The following RASEF variants were observed in gnomAD, a reference collection of about 807,000 sequenced individuals.
RASEF encodes ras and EF-hand domain-containing protein.
Under a neutral mutation model 90.1 loss-of-function variants are expected in RASEF, and 68 were observed. The ratio of observed to expected loss-of-function variants is 0.75; its 90% CI spans 0.62 to 0.92. The LOEUF (loss-of-function observed/expected upper bound fraction) is 0.92, where lower values mean the gene tolerates loss of function less well. RASEF is among the 40% of genes least tolerant of loss of function. The pLI is 0.00. For synonymous variants in RASEF, 331 were observed against 345.2 expected (o/e 0.96, Z 0.46); for missense variants, 949 against 937.2 (o/e 1.01, Z -0.16).
At position 83,012,522 on chromosome 9, in the gene RASEF, A is replaced by T. The variant is rs1318100321; in HGVS notation, c.766-11T>A. The T allele has an allele frequency of 6.4e-7, 1 of 1,556,846 alleles. No individual in the cohort carries two copies. Among genetic ancestry groups the T allele is most frequent in the East Asian group, 2.4e-5 (1 of 42,486 alleles). ...TGATTGTTCTTCGAGCTGAAAGACCAAATAAAAGTTGTGTGCTTACAAACT... is the reference window on the plus strand; with the variant it reads ...TGATTGTTCTTCGAGCTGAAAGACCTAATAAAAGTTGTGTGCTTACAAACT... On this transcript the variant is annotated splice_polypyrimidine_tract_variant and intron_variant, in intron 4 of 16. Transcript: ENST00000376447.
At chr9:83,006,191 G>A (rs766201869) in intron 7 of RASEF, among the ~76,000 whole-genome samples, 10 of 152,168 alleles carry the variant, frequency 6.6e-5, no homozygotes, top group Non-Finnish European at 1.3e-4. Context: ...ACACTTCCTT[G>A]ACCTTCTTTG....
At chr9:83,150,267 G>A in the RASEF span, among the ~76,000 whole-genome samples, 1 of 152,144 alleles carries the variant, frequency 6.6e-6, no homozygotes, top group South Asian at 2.1e-4. Flanking sequence ...CATCATTTAG[G>A]GGTTTTTATG....
At chr9:83,173,816 G>T in the RASEF span, among the ~76,000 whole-genome samples, 47 of 151,756 alleles carry the variant, frequency 3.1e-4, no homozygotes, top group South Asian at 4.6e-3. Flanking sequence ...GTCCATTTCT[G>T]GCATAGAAAA....
chr9:83,062,896 T>C lies in RASEF; in HGVS notation c.-29A>G, dbSNP rs772002569. ...GCCTGGCGGGGGCGGCCGAGAGGGC[T>C]CCGGAGCGCCGCGGGGCGCAGGGCC... is the stretch of plus-strand genomic sequence containing the variant. On this transcript the variant is annotated 5_prime_UTR_variant, in exon 1 of 17. Transcript: ENST00000376447. The C allele has an allele frequency of 2.3e-5, 33 of 1,416,460 alleles. No homozygotes were observed. The East Asian group carries it at 3.8e-4, about 16-fold the overall frequency. 87.7% of individuals were successfully genotyped at this position (1,416,460 alleles called of 1,614,324 possible).
At chr9:83,162,627 A>G in the RASEF span, among the ~76,000 whole-genome samples, 1 of 152,230 alleles carries the variant, frequency 6.6e-6, no homozygotes, top group Non-Finnish European at 1.5e-5. Flanking sequence ...TGAAAGACTG[A>G]AAAACCAACA....
chr9:83,049,196 A>T, intron 1 of RASEF: 1 of 433,728 alleles, frequency 2.3e-6, no homozygotes, highest in Non-Finnish European at 3.1e-6. Flanking sequence ...TATTACACTT[A>T]ACTATGAACA....
chr9:83,207,598 CTTTTTT>C, the RASEF span, among the ~76,000 whole-genome samples: 23 of 85,470 alleles, frequency 2.7e-4, no homozygotes, highest in African/African-American at 9.5e-4. Context: ...AGGAGGGCTG[CTTTTTT>C]TTTTTTTTTT....
intron 1 of RASEF, among the ~76,000 whole-genome samples, chr9:83,061,894 G>A (rs1830206988): frequency 6.6e-6 from 1 of 152,220 alleles, no homozygotes; most frequent in South Asian, 2.1e-4. Context: ...GGGATGTTAT[G>A]AAAATTAAAT....
At chr9:83,092,191 G>T in the RASEF span, among the ~76,000 whole-genome samples, 1 of 151,644 alleles carries the variant, frequency 6.6e-6, no homozygotes, top group African/African-American at 2.4e-5. Context: ...GACCAATCTT[G>T]CAAAGCTTCA....
At chr9:82,994,481 T>C (rs898086415) in intron 14 of RASEF, among the ~76,000 whole-genome samples, 3 of 152,192 alleles carry the variant, frequency 2.0e-5, no homozygotes, top group Non-Finnish European at 2.9e-5. Context: ...CTCGTTTTGT[T>C]TGTATAACAT....
chr9:82,987,944 C>A (rs1266732198), intron 16 of RASEF, among the ~76,000 whole-genome samples: 5 of 152,334 alleles, frequency 3.3e-5, no homozygotes, highest in African/African-American at 1.2e-4. Flanking sequence ...TAACCACATG[C>A]AAGGCTTGAT....
In RASEF at chr9:82,992,865, C is replaced by G. The variant is rs770606072; in HGVS notation, c.2040+41G>C. 3 of 1,604,122 alleles carry G rather than the reference C, an allele frequency of 1.9e-6. No homozygotes were observed. The South Asian group carries it at 3.4e-5, about 18-fold the overall frequency. On this transcript the variant is annotated intron_variant, in intron 15 of 16. Coordinates refer to ENST00000376447, the MANE Select transcript of RASEF (RefSeq NM_152573.4). ...GGCCACCGACTTCAAAGCCATTAAA[C>G]CCCATGTTCTCTTCTAATTCTGAGG...
chr9:83,055,410 C>CG (rs1328817644), intron 1 of RASEF: 1 of 539,842 alleles, frequency 1.9e-6, no homozygotes, highest in East Asian at 3.3e-5. Flanking sequence ...GGCTCGCGCA[C>CG]GGTGCGCGCA....
chr9:83,204,587 G>A, the RASEF span, among the ~76,000 whole-genome samples: 5 of 152,234 alleles, frequency 3.3e-5, no homozygotes, highest in African/African-American at 1.2e-4. Flanking sequence ...CAAAGACATT[G>A]GACGAAATAA....
chr9:83,181,234 A>T, the RASEF span, among the ~76,000 whole-genome samples: 4 of 151,792 alleles, frequency 2.6e-5, no homozygotes. Flanking sequence ...TATCCAAGAG[A>T]AAGCTAACGT....
At chr9:83,042,181 C>A (rs1829855632) in intron 1 of RASEF, among the ~76,000 whole-genome samples, 1 of 152,062 alleles carries the variant, frequency 6.6e-6, no homozygotes. Context: ...AAAATGAATA[C>A]AAAAGCTACT....
intron 1 of RASEF, among the ~76,000 whole-genome samples, chr9:83,046,035 A>G (rs1829923342): frequency 6.6e-6 from 1 of 151,850 alleles, no homozygotes; most frequent in Non-Finnish European, 1.5e-5. Context: ...GAAAAAAAAA[A>G]AAAACCCTGC....
chr9:83,131,489 T>A, the RASEF span, among the ~76,000 whole-genome samples: 530 of 152,294 alleles, frequency 3.5e-3, 5 homozygotes, highest in African/African-American at 0.012. Context: ...CTCATCACAC[T>A]GAAACATAAT....
intron 1 of RASEF, among the ~76,000 whole-genome samples, chr9:83,062,225 G>A (rs1214363995): frequency 1.3e-5 from 2 of 152,150 alleles, no homozygotes; most frequent in Middle Eastern, 3.2e-3. Flanking sequence ...GATTCAGCAC[G>A]TAAAACTTTC....
Sources: gnomAD v4.1 joint callset for allele counts (sites outside exome capture counted in the v4.1 genomes callset) on GRCh38, gnomAD v4.1.1 for gene constraint, MANE v1.5 for transcripts, NCBI Gene and HGNC (gene_info 2026-07-23, HGNC 2026-07-21) for gene names.